TMTC1: variants seen among roughly 807,000 people sequenced by gnomAD.
TMTC1 encodes protein O-mannosyl-transferase TMTC1.
In TMTC1, 73 loss-of-function variants were observed where a neutral mutation model predicts 104.8. That is an observed-to-expected ratio of 0.70 (90% confidence interval 0.58 to 0.85). The LOEUF is 0.85. Among genes scored for constraint, TMTC1 ranks in the 40% least tolerant of loss-of-function variants. The pLI, the probability that TMTC1 is intolerant of heterozygous loss-of-function variation, is 0.00. For missense variants in TMTC1, 1,035 were observed against 1,096.1 expected, an observed-to-expected ratio of 0.94 and a Z score of 0.79; for synonymous variants, 434 against 428.7, an observed-to-expected ratio of 1.01 and a Z score of -0.15.
intron 5 of TMTC1, among the ~76,000 whole-genome samples, chr12:29,657,236 T>C (rs999907224): frequency 3.9e-5 from 6 of 152,306 alleles, no homozygotes; most frequent in African/African-American, 1.4e-4. Flanking sequence ...CAAGAATATA[T>C]GGCAAAGTTG....
intron 5 of TMTC1, among the ~76,000 whole-genome samples, chr12:29,649,442 T>C (rs992649704): frequency 2.0e-5 from 3 of 151,746 alleles, no homozygotes; most frequent in African/African-American, 7.3e-5. Flanking sequence ...AGAGAGGAGG[T>C]AAGTAAGAGA....
At chr12:29,550,713 T>G (rs299472) in intron 10 of TMTC1, among the ~76,000 whole-genome samples, 117,131 of 151,848 alleles carry the variant, frequency 0.77, 45,325 homozygotes, top group Middle Eastern at 0.86. Flanking sequence ...CACAGGAACT[T>G]GGTGATGGAT....
chr12:29,511,669 C>G (rs1321559196), intron 17 of TMTC1, among the ~76,000 whole-genome samples: 2 of 152,094 alleles, frequency 1.3e-5, no homozygotes, highest in Non-Finnish European at 2.9e-5. Context: ...TTAATCTTGA[C>G]AGTGAGTTAA....
chr12:29,700,234 T>A (rs188540533), intron 5 of TMTC1, among the ~76,000 whole-genome samples: 228 of 151,010 alleles, frequency 1.5e-3, no homozygotes, highest in African/African-American at 5.3e-3. Flanking sequence ...TTTCTTTTTT[T>A]TTTTGTTTTT....
chr12:29,549,559 C>T (rs553741610), intron 10 of TMTC1, among the ~76,000 whole-genome samples: 2 of 152,022 alleles, frequency 1.3e-5, no homozygotes, highest in African/African-American at 4.8e-5. Context: ...AAAAAACACA[C>T]AAACACAGGT....
chr12:29,612,168 T>C (rs1009008758), intron 6 of TMTC1, among the ~76,000 whole-genome samples: 51 of 152,250 alleles, frequency 3.3e-4, no homozygotes, highest in African/African-American at 1.2e-3. Flanking sequence ...TCTGACTTCA[T>C]AGCAGAAACA....
At chr12:29,623,040 G>C (rs1937755916) in intron 6 of TMTC1, among the ~76,000 whole-genome samples, 1 of 152,168 alleles carries the variant, frequency 6.6e-6, no homozygotes, top group Admixed American at 6.5e-5. Context: ...CTTGTCAAAA[G>C]TAAAACATCT....
chr12:29,513,735 T>A (rs1225560089), intron 16 of TMTC1, among the ~76,000 whole-genome samples: 1 of 152,188 alleles, frequency 6.6e-6, no homozygotes, highest in Non-Finnish European at 1.5e-5. Context: ...TGTGAATAAG[T>A]TTTATTCCAA....
In TMTC1 at chr12:29,689,142, TGAA is replaced by T. The variant is rs546870613; in HGVS notation, c.939-55809_939-55807del. Among the ~76,000 whole-genome samples, 1,001 of 152,286 alleles carry T rather than the reference TGAA, an allele frequency of 6.6e-3. 3 individuals carry two copies. The highest frequency in any genetic ancestry group is 0.012 in the Non-Finnish European group (793 of 68,024). On this transcript the variant is annotated intron_variant, in intron 5 of 17. Transcript: ENST00000539277. Reference sequence around the variant, plus strand: ...CCTTGGGCTGGCAGAACAGAGAACTTGAAGAAACTTGGCAAAGAACTAGGCAAC... The same window carrying T: ...CCTTGGGCTGGCAGAACAGAGAACTTGAAACTTGGCAAAGAACTAGGCAAC...
chr12:29,749,603 T>C (rs1383672634), intron 5 of TMTC1, among the ~76,000 whole-genome samples: 1 of 152,154 alleles, frequency 6.6e-6, no homozygotes, highest in Non-Finnish European at 1.5e-5. Flanking sequence ...TTTCCCTCCA[T>C]GGCCCTCAAC....
rs367695180 is a variant in TMTC1, at chr12:29,572,269, T to A, written c.1419-51A>T. 94 of 1,401,740 alleles carry A rather than the reference T, an allele frequency of 6.7e-5. No individual in the cohort carries two copies. The Middle Eastern group carries it at 8.3e-4, about 12-fold the overall frequency. 86.8% of individuals were successfully genotyped at this position (1,401,740 alleles called of 1,614,324 possible). A position where few individuals can be genotyped will look rare whatever the true frequency, so the allele number is the denominator to read the frequency against. ...AATTATTTGACAAAGAATATTATTGTCAGATTCCTTTATGTTTTACTCAGT... is the reference window on the plus strand; with the variant it reads ...AATTATTTGACAAAGAATATTATTGACAGATTCCTTTATGTTTTACTCAGT... On this transcript the variant is annotated intron_variant, in intron 8 of 17. Coordinates refer to ENST00000539277, the MANE Select transcript of TMTC1 (RefSeq NM_001193451.2).
chr12:29,672,013 G>A (rs1429959559), intron 5 of TMTC1, among the ~76,000 whole-genome samples: 2 of 152,098 alleles, frequency 1.3e-5, no homozygotes, highest in Non-Finnish European at 2.9e-5. Flanking sequence ...CTGTATATGG[G>A]GGCACTACTG....
chr12:29,527,964 G>A (rs1290446121), intron 11 of TMTC1, among the ~76,000 whole-genome samples: 1 of 152,042 alleles, frequency 6.6e-6, no homozygotes, highest in Non-Finnish European at 1.5e-5. Flanking sequence ...CAGTTTCAAG[G>A]CTCTATGAAA....
chr12:29,524,204 T>A (rs1944270486), intron 11 of TMTC1, among the ~76,000 whole-genome samples: 1 of 152,168 alleles, frequency 6.6e-6, no homozygotes, highest in South Asian at 2.1e-4. Context: ...ACAATTATAA[T>A]GATCAAGAAG....
rs145748093 is a variant in TMTC1, at chr12:29,603,198, T to C, written c.1250+980A>G. On this transcript the variant is annotated intron_variant, in intron 7 of 17. Coordinates refer to ENST00000539277, the MANE Select transcript of TMTC1 (RefSeq NM_001193451.2). ...TCCCCTTAACCAAGTCAAAACCACA[T>C]GCTGCAAAGTGTTAAGAAAGCTATT... Among the ~76,000 whole-genome samples the C allele has an allele frequency of 1.4e-3, 217 of 152,244 alleles. 2 individuals carry two copies. The highest frequency in any genetic ancestry group is 5.0e-3 in the African/African-American group (206 of 41,546).
At chr12:29,589,071 T>C (rs1946214421) in intron 7 of TMTC1, among the ~76,000 whole-genome samples, 1 of 152,226 alleles carries the variant, frequency 6.6e-6, no homozygotes, top group Non-Finnish European at 1.5e-5. Context: ...TCTCCACAGA[T>C]AGCTACTCTA....
intron 5 of TMTC1, among the ~76,000 whole-genome samples, chr12:29,686,135 T>G (rs1041288513): frequency 2.0e-5 from 3 of 152,192 alleles, no homozygotes; most frequent in Non-Finnish European, 4.4e-5. Context: ...ACTAGACATC[T>G]GACTACATGT....
At chr12:29,749,151 A>G (rs1200382585) in intron 5 of TMTC1, among the ~76,000 whole-genome samples, 1 of 152,120 alleles carries the variant, frequency 6.6e-6, no homozygotes, top group East Asian at 1.9e-4. Context: ...AATTAGCAGC[A>G]TACCAGAGGA....
intron 17 of TMTC1, among the ~76,000 whole-genome samples, chr12:29,509,070 A>G (rs1426842257): frequency 1.3e-5 from 2 of 152,178 alleles, no homozygotes; most frequent in Non-Finnish European, 2.9e-5. Context: ...TGCACCAGCC[A>G]TATTTCAAGT....
Sources: gnomAD v4.1 joint callset for allele counts (sites outside exome capture counted in the v4.1 genomes callset) on GRCh38, gnomAD v4.1.1 for gene constraint, MANE v1.5 for transcripts, NCBI Gene and HGNC (gene_info 2026-07-23, HGNC 2026-07-21) for gene names.